The following TAB2 variants were observed in gnomAD, a reference collection of about 807,000 sequenced individuals.
TAB2 encodes TGF-beta activated kinase 1 (MAP3K7) binding protein 2, also known as TGF-beta-activated kinase 1 and MAP3K7-binding protein 2.
A neutral mutation model predicts 65.0 loss-of-function variants in TAB2; 3 were observed. The ratio of observed to expected loss-of-function variants is 0.05; its 90% CI spans 0.02 to 0.12. The LOEUF is 0.12. TAB2 is among the 10% of genes least tolerant of loss of function. TAB2 has a pLI of 1.00. For synonymous variants in TAB2, 298 were observed against 285.1 expected, an observed-to-expected ratio of 1.05 and a Z score of -0.46; for missense variants, 623 against 840.3, an observed-to-expected ratio of 0.74 and a Z score of 3.20.
chr6:149,308,689 T>G (rs910015611), intron 1 of TAB2, among the ~76,000 whole-genome samples: 3 of 151,908 alleles, frequency 2.0e-5, no homozygotes, highest in Non-Finnish European at 4.4e-5. Flanking sequence ...CCACCACGCC[T>G]GACTAATTTT....
At chr6:149,381,586 T>TG (rs1246263024) in intron 3 of TAB2, among the ~76,000 whole-genome samples, 1 of 146,480 alleles carries the variant, frequency 6.8e-6, no homozygotes, top group Non-Finnish European at 1.5e-5. Flanking sequence ...TTTTTTTTTT[T>TG]TTTTTGGGAC....
intron 1 of TAB2, among the ~76,000 whole-genome samples, chr6:149,260,764 C>T (rs1485873676): frequency 6.6e-6 from 1 of 152,136 alleles, no homozygotes; most frequent in Non-Finnish European, 1.5e-5. Flanking sequence ...CTGTCTCAAT[C>T]TGAGTGGCAA....
intron 6 of TAB2, among the ~76,000 whole-genome samples, chr6:149,403,295 C>T (rs237021): frequency 0.54 from 40,859 of 75,434 alleles, 9,591 homozygotes; most frequent in East Asian, 0.67. Flanking sequence ...CACACACACA[C>T]ATATATATAT....
chr6:149,330,129 TC>T (rs1779740102), intron 1 of TAB2, among the ~76,000 whole-genome samples: 1 of 151,968 alleles, frequency 6.6e-6, no homozygotes, highest in Non-Finnish European at 1.5e-5. Flanking sequence ...CCCCTTGAGG[TC>T]CTTCCAAATT....
At position 149,241,406 on chromosome 6, in the gene TAB2, AT is replaced by A. The variant is rs556811372; in HGVS notation, c.-121+22635del. On this transcript the variant is annotated intron_variant, in intron 1 of 1. Transcript: ENST00000606202. ...ATGTTGATCCTGCGTACTGTAAATG[AT>A]TTTTAATGTTTTTAAAGTGGCATTA... 4.8e-3 allele frequency among the ~76,000 whole-genome samples: 730 copies of A among 152,304 alleles called. 5 individuals are homozygous for A. Among genetic ancestry groups the A allele is most frequent in the African/African-American group, 0.017 (703 of 41,566 alleles).
At chr6:149,296,869 C>T (rs1778885632) in intron 1 of TAB2, among the ~76,000 whole-genome samples, 1 of 152,148 alleles carries the variant, frequency 6.6e-6, no homozygotes, top group Non-Finnish European at 1.5e-5. Context: ...ATTTCTAGCA[C>T]CAAATAGCTA....
intron 1 of TAB2, among the ~76,000 whole-genome samples, chr6:149,327,929 C>G (rs547150140): frequency 7.9e-5 from 12 of 152,190 alleles, no homozygotes; most frequent in South Asian, 2.1e-4. Context: ...GAGACATACT[C>G]ATTCTCTTCA....
chr6:149,265,494 G>A (rs977075327), intron 1 of TAB2, among the ~76,000 whole-genome samples: 2 of 152,026 alleles, frequency 1.3e-5, no homozygotes, highest in Non-Finnish European at 2.9e-5. Context: ...CCAATAGCTC[G>A]CTTTCCTCTT....
chr6:149,247,755 C>G (rs1384277486), intron 1 of TAB2: 1 of 152,124 alleles, frequency 6.6e-6, no homozygotes, highest in Non-Finnish European at 1.5e-5. Context: ...AGGGTGAGTC[C>G]CAGGGAGAAG....
rs1325786227 is a variant in TAB2 at position 149,399,204 on chromosome 6, G to A, written c.1939+20G>A. 1.2e-6 allele frequency: 2 copies of A among 1,606,500 alleles called. No individual in the cohort carries two copies. Among genetic ancestry groups the A allele is most frequent in the Middle Eastern group, 1.7e-4 (1 of 6,060 alleles). ...CCAAAGGTTAGTGTATCCATTAAAT[G>A]TGAAAACTGTTACTTTTGAAAAGCA... On this transcript the variant is annotated intron_variant, in intron 6 of 6. Coordinates refer to ENST00000637181, the MANE Select transcript of TAB2 (RefSeq NM_001292034.3).
intron 6 of TAB2, among the ~76,000 whole-genome samples, chr6:149,403,275 T>A (rs866812251): frequency 9.7e-4 from 42 of 43,278 alleles, no homozygotes; most frequent in African/African-American, 4.6e-3. Flanking sequence ...TATATATATA[T>A]ATATATATAC....
intron 1 of TAB2, among the ~76,000 whole-genome samples, chr6:149,234,143 T>C (rs1322335666): frequency 6.6e-6 from 1 of 152,208 alleles, no homozygotes; most frequent in Non-Finnish European, 1.5e-5. Flanking sequence ...CCGCTCCTAG[T>C]ATGAAGTTTT....
At chr6:149,404,942 C>T (rs1782613355) in intron 6 of TAB2, among the ~76,000 whole-genome samples, 2 of 152,118 alleles carry the variant, frequency 1.3e-5, no homozygotes, top group Non-Finnish European at 2.9e-5. Context: ...AATGCATCTA[C>T]ACGGCAAAGG....
intron 1 of TAB2, among the ~76,000 whole-genome samples, chr6:149,258,130 T>G (rs1312031658): frequency 6.6e-6 from 1 of 151,944 alleles, no homozygotes; most frequent in African/African-American, 2.4e-5. Flanking sequence ...AGCTAGAGAG[T>G]CTGGGGATCC....
At chr6:149,404,122 A>G (rs1782581077) in intron 6 of TAB2, among the ~76,000 whole-genome samples, 1 of 152,254 alleles carries the variant, frequency 6.6e-6, no homozygotes, top group South Asian at 2.1e-4. Context: ...AAATGAATTT[A>G]GTAAAATTGC....
At chr6:149,364,484 A>G (rs1780976142) in intron 1 of TAB2, among the ~76,000 whole-genome samples, 1 of 152,080 alleles carries the variant, frequency 6.6e-6, no homozygotes, top group Admixed American at 6.6e-5. Context: ...GAAGACGCAG[A>G]CAGAAGATAA....
chr6:149,266,329 G>A (rs149867121), intron 1 of TAB2, among the ~76,000 whole-genome samples: 36 of 152,246 alleles, frequency 2.4e-4, no homozygotes, highest in Non-Finnish European at 3.2e-4. Flanking sequence ...AGTTGTCCTC[G>A]CCAGTGAACA....
At chr6:149,319,111 A>G (rs929534344) in intron 1 of TAB2, among the ~76,000 whole-genome samples, 5 of 152,182 alleles carry the variant, frequency 3.3e-5, no homozygotes, top group African/African-American at 7.2e-5. Flanking sequence ...AAAGTGTCTA[A>G]TTTTGGGGTC....
intron 1 of TAB2, among the ~76,000 whole-genome samples, chr6:149,348,137 T>A (rs520551): frequency 0.92 from 139,520 of 152,176 alleles, 64,106 homozygotes; most frequent in African/African-American, 0.98. Context: ...TCACACCTGT[T>A]ATCCCAGCAC....
Sources: gnomAD v4.1 joint callset for allele counts (sites outside exome capture counted in the v4.1 genomes callset) on GRCh38, gnomAD v4.1.1 for gene constraint, MANE v1.5 for transcripts, NCBI Gene and HGNC (gene_info 2026-07-23, HGNC 2026-07-21) for gene names.